Variants in GNG7 observed in about 807,000 individuals in gnomAD.
GNG7 encodes guanine nucleotide-binding protein G(I)/G(S)/G(O) subunit gamma-7.
A neutral mutation model predicts 4.0 loss-of-function variants in GNG7; 1 was observed. The ratio of observed to expected loss-of-function variants is 0.25; its 90% CI spans 0.09 to 1.18. The LOEUF (loss-of-function observed/expected upper bound fraction) is 1.18. GNG7 is among the 50% of genes most tolerant of loss of function. The pLI is 0.50. For missense variants in GNG7, 86 were observed against 91.9 expected (o/e 0.94, Z 0.26); for synonymous variants, 34 against 36.9 (o/e 0.92, Z 0.29).
intron 2 of GNG7, among the ~76,000 whole-genome samples, chr19:2,620,442 G>A (rs1981839381): frequency 6.6e-6 from 1 of 151,886 alleles, no homozygotes; most frequent in Admixed American, 6.6e-5. Context: ...CCACCCCAGG[G>A]GCCACTCCAG....
At chr19:2,601,950 G>A (rs867055743) in intron 2 of GNG7, among the ~76,000 whole-genome samples, 1 of 151,820 alleles carries the variant, frequency 6.6e-6, no homozygotes, top group African/African-American at 2.4e-5. Context: ...GAGAGGAGAG[G>A]GGAGGAGAGC....
intron 3 of GNG7, among the ~76,000 whole-genome samples, chr19:2,540,148 CTT>C (rs763154432): frequency 1.0e-4 from 15 of 146,406 alleles, no homozygotes; most frequent in Non-Finnish European, 2.1e-4. Context: ...CTCTCTCTCT[CTT>C]TCTTTCTTTT....
intron 3 of GNG7, among the ~76,000 whole-genome samples, chr19:2,527,782 C>CA (rs1368226577): frequency 1.3e-5 from 2 of 151,776 alleles, no homozygotes; most frequent in Non-Finnish European, 1.5e-5. Context: ...AAACCCCCCC[C>CA]CCCACCAGTG....
intron 4 of GNG7, among the ~76,000 whole-genome samples, chr19:2,515,751 C>G (rs777343381): frequency 3.3e-4 from 50 of 151,782 alleles, no homozygotes; most frequent in Non-Finnish European, 6.2e-4. Context: ...TATGAAATGT[C>G]CAGGACAGGC....
intron 2 of GNG7, among the ~76,000 whole-genome samples, chr19:2,575,811 ACACACGCAGG>A (rs1219111939): frequency 8.8e-6 from 1 of 113,286 alleles, no homozygotes; most frequent in Non-Finnish European, 1.8e-5. Context: ...AGACATGCAG[ACACACGCAGG>A]CACACGCAGA....
intron 2 of GNG7, among the ~76,000 whole-genome samples, chr19:2,638,243 A>G (rs1434880849): frequency 3.3e-5 from 5 of 150,768 alleles, no homozygotes; most frequent in African/African-American, 4.9e-5. Context: ...TGCACCTGTA[A>G]TCCCAGCTAC....
chr19:2,573,615 G>C (rs561838934), intron 2 of GNG7, among the ~76,000 whole-genome samples: 1 of 151,826 alleles, frequency 6.6e-6, no homozygotes, highest in South Asian at 2.1e-4. Flanking sequence ...TCAGGAGTTC[G>C]AGACCAGCCT....
intron 3 of GNG7, among the ~76,000 whole-genome samples, chr19:2,540,076 C>CTT (rs893454083): frequency 2.2e-5 from 3 of 136,864 alleles, no homozygotes; most frequent in African/African-American, 8.1e-5. Flanking sequence ...CTCCCTCCCT[C>CTT]TCTCTCTCTC....
rs1982035078 is a variant in GNG7 at position 2,626,882 on chromosome 19, C to T, written c.-78+19342G>A. On this transcript the variant is annotated intron_variant, in intron 2 of 4. Coordinates refer to ENST00000382159, the MANE Select transcript of GNG7 (RefSeq NM_052847.3). The surrounding 1 kb of genome is among the most constrained non-coding windows in gnomAD (Gnocchi z 5.0). ...CCTGCAGTGCCCAGGACGGCCTCAC[C>T]CCAGAGAACAGTCCAGTGTCAGTGT... Among the ~76,000 whole-genome samples the T allele has an allele frequency of 6.6e-6, 1 of 151,714 alleles. No homozygotes were observed. Among genetic ancestry groups the T allele is most frequent in the African/African-American group, 2.4e-5 (1 of 41,272 alleles).
intron 2 of GNG7, among the ~76,000 whole-genome samples, chr19:2,585,231 A>G (rs927571829): frequency 6.6e-6 from 1 of 152,228 alleles, no homozygotes; most frequent in Non-Finnish European, 1.5e-5. Context: ...AAATAAATTA[A>G]TATGCATACA....
chr19:2,574,771 C>A (rs1191883335), intron 2 of GNG7, among the ~76,000 whole-genome samples: 2 of 152,200 alleles, frequency 1.3e-5, no homozygotes, highest in African/African-American at 4.8e-5. Flanking sequence ...TATGGTAATT[C>A]CGTGTTTACC....
chr19:2,633,487 G>GCGCGCGCGCACA lies in GNG7; in HGVS notation c.-78+12736_-78+12737insTGTGCGCGCGCG, dbSNP rs1250581952. Among the ~76,000 whole-genome samples the GCGCGCGCGCACA allele has an allele frequency of 1.9e-5, 2 of 103,776 alleles. No homozygotes were observed. Among genetic ancestry groups the GCGCGCGCGCACA allele is most frequent in the African/African-American group, 3.9e-5 (1 of 25,476 alleles). 68.1% of individuals were successfully genotyped at this position (103,776 alleles called of 152,430 possible). Reference sequence around the variant, plus strand: ...TAGCAACAGGCGCGCGCGCGCGCGCGCACACACACACACACACACACACAC... The same window carrying GCGCGCGCGCACA: ...TAGCAACAGGCGCGCGCGCGCGCGCGCGCGCGCGCACACACACACACACACACACACACACAC... On this transcript the variant is annotated intron_variant, in intron 2 of 4. Coordinates refer to ENST00000382159, the MANE Select transcript of GNG7 (RefSeq NM_052847.3). This position sits in a 1 kb window ranked among gnomAD's most constrained non-coding sequence, Gnocchi z 5.9.
chr19:2,581,684 C>T (rs1397431503), intron 2 of GNG7, among the ~76,000 whole-genome samples: 2 of 152,202 alleles, frequency 1.3e-5, no homozygotes, highest in Non-Finnish European at 1.5e-5. Flanking sequence ...CAACAAGATG[C>T]CTGGCCAGGC....
At chr19:2,668,113 T>C (rs971337631) in intron 1 of GNG7, among the ~76,000 whole-genome samples, 9 of 152,046 alleles carry the variant, frequency 5.9e-5, no homozygotes, top group Non-Finnish European at 1.0e-4. Flanking sequence ...CACCATGCCA[T>C]TGGATGTGAA....
chr19:2,676,824 G>A (rs1053435711), intron 1 of GNG7, among the ~76,000 whole-genome samples: 14 of 151,956 alleles, frequency 9.2e-5, no homozygotes, highest in African/African-American at 2.7e-4. Flanking sequence ...ATTTTCAGCC[G>A]GGCGGGTGCA....
In GNG7 at chr19:2,577,162, C is replaced by T. The variant is rs762168644; in HGVS notation, c.-77-21974G>A. Among the ~76,000 whole-genome samples, 7 of 152,210 alleles carry T rather than the reference C, an allele frequency of 4.6e-5. No homozygotes were observed. In the South Asian group the frequency reaches 1.0e-3, roughly 23 times the overall value. On this transcript the variant is annotated intron_variant, in intron 2 of 4. Coordinates refer to ENST00000382159, the MANE Select transcript of GNG7 (RefSeq NM_052847.3). ...GCGTAACCAATTGCCATCCATGTGG[C>T]GCCTTCCAACACACATCCACTTAGT...
chr19:2,569,183 T>C (rs1296903762), intron 2 of GNG7, among the ~76,000 whole-genome samples: 1 of 152,160 alleles, frequency 6.6e-6, no homozygotes, highest in African/African-American at 2.4e-5. Flanking sequence ...ATGAGGCACC[T>C]GCTGGGGATC....
chr19:2,691,527 G>C (rs936194204), intron 1 of GNG7, among the ~76,000 whole-genome samples: 2 of 151,704 alleles, frequency 1.3e-5, no homozygotes, highest in African/African-American at 4.8e-5. Context: ...CTGGGCAACA[G>C]AGCAAGACTC....
intron 4 of GNG7, among the ~76,000 whole-genome samples, chr19:2,518,185 G>A (rs1978292340): frequency 6.6e-6 from 1 of 152,154 alleles, no homozygotes; most frequent in Non-Finnish European, 1.5e-5. Flanking sequence ...CGCCGCGTTG[G>A]AGCTGGGGAT....
Sources: gnomAD v4.1 joint callset for allele counts (sites outside exome capture counted in the v4.1 genomes callset) on GRCh38, gnomAD v4.1.1 for gene constraint, Gnocchi (gnomAD v3.1) non-coding constraint, MANE v1.5 for transcripts, NCBI Gene and HGNC (gene_info 2026-07-23, HGNC 2026-07-21) for gene names.